CEP70: variants seen among roughly 807,000 people sequenced by gnomAD.
CEP70 encodes centrosomal protein 70, also known as centrosomal protein of 70 kDa.
Under a neutral mutation model 90.9 loss-of-function variants are expected in CEP70, and 70 were observed. That is an observed-to-expected ratio of 0.77 (90% CI 0.64 to 0.94). The LOEUF (loss-of-function observed/expected upper bound fraction) is 0.94, where lower values mean the gene tolerates loss of function less well. CEP70 is among the 40% of genes least tolerant of loss of function. CEP70 has a pLI of 0.00. For missense variants in CEP70, 648 were observed against 669.0 expected, an observed-to-expected ratio of 0.97 and a Z score of 0.35; for synonymous variants, 220 against 228.3, an observed-to-expected ratio of 0.96 and a Z score of 0.33.
intron 6 of CEP70, among the ~76,000 whole-genome samples, chr3:138,559,845 T>C (rs2108034313): frequency 6.6e-6 from 1 of 152,274 alleles, no homozygotes; most frequent in African/African-American, 2.4e-5. Flanking sequence ...GCAGAAACAA[T>C]GAATCCAAGA....
chr3:138,584,702 G>A (rs1005331039), intron 2 of CEP70, among the ~76,000 whole-genome samples: 9 of 151,636 alleles, frequency 5.9e-5, no homozygotes, highest in East Asian at 1.9e-4. Flanking sequence ...CCATATGATC[G>A]TTTCAACTGA....
intron 16 of CEP70, 177 bp downstream of exon 16, chr3:138,499,933 C>T: frequency 1.8e-6 from 1 of 545,608 alleles, no homozygotes; most frequent in Non-Finnish European, 3.3e-6. Context: ...CTCGATAATA[C>T]TTATTTTAAT....
chr3:138,570,599 G>A (rs538574604), intron 5 of CEP70, 101 bp from the exon 6 acceptor site: 1 of 894,984 alleles, frequency 1.1e-6, no homozygotes, highest in African/African-American at 1.8e-5. Context: ...AAGTTTCTTT[G>A]CATTCTCTTT....
rs750182600 is a variant in CEP70, at chr3:138,508,508, G to A, written c.981C>T (p.Asp327=). ...QELINHKKAE[D]TEKKDEPSKY... is the part of the protein sequence containing the mutation. ...TGCTGGGCTCATCTTTCTTCTCTGT[G>A]TCCTCAGCCTTCTTATGATTAATAA... Residue 327 remains aspartate, a synonymous_variant, in exon 12 of 18, where the codon GAC becomes GAT. Coordinates refer to ENST00000264982, the MANE Select transcript of CEP70 (RefSeq NM_024491.4). The A allele has an allele frequency of 1.9e-6, 3 of 1,612,128 alleles. No individual in the cohort carries two copies. The highest frequency in any genetic ancestry group is 2.5e-6 in the Non-Finnish European group (3 of 1,178,538).
At chr3:138,509,681 GT>G (rs1172488476) in intron 11 of CEP70, among the ~76,000 whole-genome samples, 1 of 151,934 alleles carries the variant, frequency 6.6e-6, no homozygotes, top group Non-Finnish European at 1.5e-5. Context: ...TAATAAATAA[GT>G]TTTTTTATTT....
intron 7 of CEP70, among the ~76,000 whole-genome samples, chr3:138,533,513 G>A (rs181851926): frequency 1.8e-4 from 28 of 152,182 alleles, no homozygotes; most frequent in Non-Finnish European, 3.1e-4. Flanking sequence ...GTAAGCTAGC[G>A]GGTGTATGAA....
chr3:138,523,025 C>T (rs575216046), intron 11 of CEP70, among the ~76,000 whole-genome samples: 1 of 152,288 alleles, frequency 6.6e-6, no homozygotes, highest in East Asian at 1.9e-4. Context: ...GCTTATCCAC[C>T]ATAGTCAAGT....
chr3:138,506,226 G>A (rs2034974733), intron 12 of CEP70, among the ~76,000 whole-genome samples: 1 of 152,158 alleles, frequency 6.6e-6, no homozygotes, highest in African/African-American at 2.4e-5. Flanking sequence ...GCTCATGCCT[G>A]TAATCCCAGC....
chr3:138,567,090 A>C (rs2040844341), intron 6 of CEP70, among the ~76,000 whole-genome samples: 1 of 152,210 alleles, frequency 6.6e-6, no homozygotes. Context: ...GAATCCTGAA[A>C]TAATGCTGAA....
intron 2 of CEP70, among the ~76,000 whole-genome samples, chr3:138,576,162 G>A (rs527430267): frequency 7.9e-5 from 12 of 152,212 alleles, no homozygotes; most frequent in East Asian, 7.7e-4. Context: ...CTGGCAAATC[G>A]GATAAAGAGT....
intron 8 of CEP70, 54 bp downstream of exon 8, chr3:138,532,460 G>T (rs7643973): frequency 0.42 from 585,438 of 1,393,910 alleles, 127,127 homozygotes; most frequent in Non-Finnish European, 0.44. Flanking sequence ...AGAAACTTCT[G>T]GTGTGAATAC....
chr3:138,555,967 TATAACATTATACA>T (rs1299758536), intron 6 of CEP70, among the ~76,000 whole-genome samples: 2 of 152,154 alleles, frequency 1.3e-5, no homozygotes, highest in African/African-American at 2.4e-5. Context: ...TCATATAATG[TATAACATTATACA>T]AAAGCACAAT....
At chr3:138,570,953 T>C in intron 5 of CEP70, 81 bp downstream of exon 5, 1 of 1,207,110 alleles carries the variant, frequency 8.3e-7, no homozygotes, top group Non-Finnish European at 1.1e-6. Context: ...AATGGGAAAT[T>C]AAATTTCAAG....
chr3:138,497,525 C>G, intron 17 of CEP70: 1 of 970,206 alleles, frequency 1.0e-6, no homozygotes, highest in Non-Finnish European at 1.2e-6. Context: ...TTAGGAGACA[C>G]TACTACTAAT....
At chr3:138,495,638 G>A (rs2033906477) in intron 17 of CEP70, among the ~76,000 whole-genome samples, 1 of 152,114 alleles carries the variant, frequency 6.6e-6, no homozygotes, top group African/African-American at 2.4e-5. Flanking sequence ...GATCATCTGA[G>A]GTCAGGAGTT....
intron 3 of CEP70, 28 bp from the exon 4 acceptor site, chr3:138,571,384 T>G (rs776715378): frequency 1.4e-6 from 2 of 1,434,556 alleles, no homozygotes; most frequent in South Asian, 2.4e-5. Context: ...GAAGAAAGGG[T>G]TAACTTTAGA....
At chr3:138,559,820 A>G (rs2040271022) in intron 6 of CEP70, among the ~76,000 whole-genome samples, 1 of 152,244 alleles carries the variant, frequency 6.6e-6, no homozygotes, top group South Asian at 2.1e-4. Flanking sequence ...AAATAGATTG[A>G]CAATTGAATT....
chr3:138,508,453 G>A lies in CEP70; in HGVS notation c.1036C>T (p.Gln346Ter). 6.2e-7 allele frequency: 1 copy of A among 1,603,270 alleles called. No homozygotes were observed. The highest frequency in any genetic ancestry group is 8.5e-7 in the Non-Finnish European group (1 of 1,170,522). The change falls in exon 12 of 18, where the codon CAG becomes TAG. Residue 346 changes from glutamine (Q) to a stop codon, truncating the protein, a stop_gained. Coordinates refer to ENST00000264982, the MANE Select transcript of CEP70 (RefSeq NM_024491.4). LOFTEE classifies it high-confidence loss of function. ...KYNQQQALID[Q>*]RYFQVLCSIN... ...CAATTCAATACCTGAAAGTATCTCT[G>A]GTCAATTAGGGCCTGTTGCTGATTA...
In CEP70 at chr3:138,574,507, G is replaced by C. The variant is rs372566809; in HGVS notation, c.-5-1575C>G. 5.2e-4 allele frequency among the ~76,000 whole-genome samples: 79 copies of C among 152,318 alleles called. 3 individuals carry two copies. In the South Asian group the frequency reaches 0.015, roughly 29 times the overall value. The stretch of plus-strand genomic sequence containing the variant: ...CCTGCCTCTGTAGACTCCACCTCTG[G>C]GGGCAGGGCATAGCTGAACAAAAGG... On this transcript the variant is annotated intron_variant, in intron 2 of 17. Transcript: ENST00000264982.
Sources: allele counts gnomAD v4.1 joint callset (sites outside exome capture counted in the v4.1 genomes callset), GRCh38; gene constraint gnomAD v4.1.1; transcripts MANE v1.5; gene names NCBI Gene and HGNC (gene_info 2026-07-23, HGNC 2026-07-21).